The following MTERF4 variants were observed in gnomAD, a reference collection of about 807,000 sequenced individuals.
MTERF4 encodes the protein transcription termination factor 4, mitochondrial.
A neutral mutation model predicts 22.5 loss-of-function variants in MTERF4; 17 were observed. That is an observed-to-expected ratio of 0.75 (90% confidence interval 0.52 to 1.13). The LOEUF is 1.13. Ranked by LOEUF, MTERF4 falls within the 50% of genes most tolerant of loss-of-function variation. The pLI is 0.00. For missense variants in MTERF4, 420 were observed against 466.8 expected, an observed-to-expected ratio of 0.90 and a Z score of 0.92; for synonymous variants, 165 against 175.3, an observed-to-expected ratio of 0.94 and a Z score of 0.47.
chr2:241,052,372 C>T, the MTERF4 span: 7 of 1,578,358 alleles, frequency 4.4e-6, no homozygotes, highest in Middle Eastern at 1.7e-4. Context: ...CCCCTGCTTC[C>T]GGAGCCCGTG....
the MTERF4 span, among the ~76,000 whole-genome samples, chr2:241,061,561 G>A: frequency 6.6e-6 from 1 of 152,112 alleles, no homozygotes; most frequent in East Asian, 1.9e-4. Flanking sequence ...CCAGGAGATG[G>A]GAAAGAATAT....
the MTERF4 span, chr2:241,051,593 C>A: frequency 1.7e-6 from 1 of 579,288 alleles, no homozygotes; most frequent in East Asian, 3.0e-5. The surrounding 1 kb of genome is among the most constrained non-coding windows in gnomAD (Gnocchi z 4.7). Context: ...TGTGTGCGGA[C>A]CTGCTTGGCC....
At chr2:241,080,246 T>C (rs548777842) in intron 4 of MTERF4, among the ~76,000 whole-genome samples, 1 of 152,346 alleles carries the variant, frequency 6.6e-6, no homozygotes, top group Middle Eastern at 3.4e-3. Flanking sequence ...ATCGCGACAC[T>C]GCACTCCAGC....
At chr2:241,052,920 T>G in the MTERF4 span, among the ~76,000 whole-genome samples, 2 of 150,568 alleles carry the variant, frequency 1.3e-5, no homozygotes, top group Non-Finnish European at 3.0e-5. Flanking sequence ...GGGGGTCAAG[T>G]GGGGAGCGTG....
chr2:241,099,081 CTTTTT>C (rs11343341), intron 2 of MTERF4: 1 of 193,864 alleles, frequency 5.2e-6, no homozygotes, highest in Non-Finnish European at 1.0e-5. Context: ...TATATAAAAT[CTTTTT>C]TTTTTTTTTT....
chr2:241,049,691 T>A, the MTERF4 span: 3 of 674,288 alleles, frequency 4.4e-6, no homozygotes, highest in African/African-American at 5.3e-5. Context: ...CAGAGTGTAT[T>A]TTCAGTGGCC....
the MTERF4 span, among the ~76,000 whole-genome samples, chr2:241,066,224 G>T: frequency 4.6e-5 from 7 of 152,150 alleles, no homozygotes; most frequent in African/African-American, 9.7e-5. Context: ...TGCAGGGGAG[G>T]CCCGGGTTGT....
chr2:241,068,751 G>A (rs2062575163), downstream of MTERF4, among the ~76,000 whole-genome samples: 1 of 152,162 alleles, frequency 6.6e-6, no homozygotes, highest in African/African-American at 2.4e-5. The surrounding 1 kb of genome is among the most constrained non-coding windows in gnomAD (Gnocchi z 5.3). Flanking sequence ...ACACGGCTCT[G>A]AGGGCCATGA....
chr2:241,070,179 C>T (rs375438550), downstream of MTERF4: 3,242 of 1,601,322 alleles, frequency 2.0e-3, 10 homozygotes, highest in Middle Eastern at 2.8e-3. Context: ...ACAGCGAGCC[C>T]GCCCACCTCT....
chr2:241,054,175 C>G, the MTERF4 span, among the ~76,000 whole-genome samples: 8 of 152,276 alleles, frequency 5.3e-5, no homozygotes, highest in Non-Finnish European at 5.9e-5. Flanking sequence ...GATGACCCCC[C>G]CTCCCAATGC....
downstream of MTERF4, chr2:241,069,070 G>T: frequency 7.4e-7 from 1 of 1,349,098 alleles, no homozygotes; most frequent in South Asian, 1.3e-5. This position sits in a 1 kb window ranked among gnomAD's most constrained non-coding sequence, Gnocchi z 4.9. Flanking sequence ...CCGTCTTCTA[G>T]AAGCTCTGGC....
rs374506315 is a variant in MTERF4 at position 241,099,761 on chromosome 2, A to G, written c.155T>C (p.Ile52Thr). The G allele has an allele frequency of 8.7e-6, 14 of 1,614,076 alleles. No homozygotes were observed. Among genetic ancestry groups the G allele is most frequent in the Admixed American group, 1.7e-5 (1 of 60,004 alleles). The change falls in exon 2 of 4, where the codon ATT (isoleucine) becomes ACT (threonine). Residue 52 changes from isoleucine (I) to threonine (T), a missense_variant. By Grantham distance (89) the Ile-to-Thr change is moderately conservative. Transcript: ENST00000391980. ...GGATCTAACACAAGATAACTCCTCA[A>G]TGACCCCTCCATTGGAGGCTGTAGT... ...KLTTASNGGV[I>T]EELSCVRSNN... is the part of the protein sequence containing the mutation.
downstream of MTERF4, chr2:241,095,058 A>AAGCCCCCC (rs1444807098): frequency 2.1e-5 from 1 of 47,926 alleles, no homozygotes; most frequent in African/African-American, 1.5e-4. Flanking sequence ...CTAAGGTGAC[A>AAGCCCCCC]CGCCCCCCCC....
chr2:241,082,470 T>C, downstream of MTERF4: 1 of 781,468 alleles, frequency 1.3e-6, no homozygotes. Flanking sequence ...GGACGATGGC[T>C]GCAGTCACAG....
the MTERF4 span, chr2:241,052,508 C>A: frequency 1.4e-6 from 2 of 1,465,624 alleles, no homozygotes. Context: ...ACATGGGATA[C>A]CAGTGCCAGG....
chr2:241,083,489 T>A (rs767190577), downstream of MTERF4, among the ~76,000 whole-genome samples: 1 of 152,118 alleles, frequency 6.6e-6, no homozygotes, highest in African/African-American at 2.4e-5. Flanking sequence ...CGGGCAAGGG[T>A]AGAAGCTTCA....
downstream of MTERF4, among the ~76,000 whole-genome samples, chr2:241,068,159 A>G (rs2062542883): frequency 1.3e-5 from 2 of 152,176 alleles, no homozygotes; most frequent in Non-Finnish European, 2.9e-5. This position sits in a 1 kb window ranked among gnomAD's most constrained non-coding sequence, Gnocchi z 5.3. Context: ...AAGAGAGGAT[A>G]CACCTTGGTA....
At chr2:241,056,160 T>A in the MTERF4 span, among the ~76,000 whole-genome samples, 1 of 152,128 alleles carries the variant, frequency 6.6e-6, no homozygotes, top group Admixed American at 6.5e-5. Flanking sequence ...AAATTTTCTT[T>A]ATGTTAAAGA....
At chr2:241,071,120 C>A (rs563727211), downstream of MTERF4, among the ~76,000 whole-genome samples, 2 of 152,132 alleles carry the variant, frequency 1.3e-5, no homozygotes, top group African/African-American at 4.8e-5. Context: ...GGCTGAAGGA[C>A]GCTGTTAGGG....
Sources: gnomAD v4.1 joint callset for allele counts (sites outside exome capture counted in the v4.1 genomes callset) on GRCh38, gnomAD v4.1.1 for gene constraint, Gnocchi (gnomAD v3.1) non-coding constraint, MANE v1.5 for transcripts, NCBI Gene and HGNC (gene_info 2026-07-23, HGNC 2026-07-21) for gene names.